Variants in FHIT observed in about 807,000 individuals in gnomAD.
FHIT encodes fragile histidine triad diadenosine triphosphatase.
FHIT carries 19 observed loss-of-function variants against 17.9 expected under a neutral mutation model. The observed-to-expected ratio is 1.06, with a 90% CI of 0.74 to 1.56. The LOEUF (loss-of-function observed/expected upper bound fraction) is 1.56. FHIT is among the 40% of genes most tolerant of loss of function. The pLI is 0.00. For synonymous variants in FHIT, 81 were observed against 69.7 expected (o/e 1.16, Z -0.81); for missense variants, 248 against 189.2 (o/e 1.31, Z -1.82).
intron 4 of FHIT, among the ~76,000 whole-genome samples, chr3:60,569,826 A>G (rs2037311916): frequency 7.0e-6 from 1 of 143,076 alleles, no homozygotes; most frequent in Admixed American, 7.5e-5. Context: ...ATCTCGGCTC[A>G]CTGCAACCTT....
At chr3:60,348,173 C>T (rs1311397455) in intron 5 of FHIT, among the ~76,000 whole-genome samples, 4 of 151,906 alleles carry the variant, frequency 2.6e-5, no homozygotes, top group African/African-American at 9.7e-5. Flanking sequence ...CTAACCACAC[C>T]TAAGAATTGA....
chr3:60,619,642 A>T (rs2039061975), intron 4 of FHIT, among the ~76,000 whole-genome samples: 1 of 149,112 alleles, frequency 6.7e-6, no homozygotes, highest in Non-Finnish European at 1.5e-5. Flanking sequence ...CTAGACAAAG[A>T]CCTCACACTA....
At chr3:60,307,248 G>C (rs866587735) in intron 5 of FHIT, among the ~76,000 whole-genome samples, 21 of 152,262 alleles carry the variant, frequency 1.4e-4, no homozygotes, top group Admixed American at 5.9e-4. Flanking sequence ...CTACAGAGAA[G>C]TCTTAACAGA....
chr3:60,192,592 C>G (rs1284141940), intron 5 of FHIT, among the ~76,000 whole-genome samples: 1 of 152,156 alleles, frequency 6.6e-6, no homozygotes, highest in East Asian at 1.9e-4. Context: ...ACAGGGCATT[C>G]AGAAGTAAAT....
chr3:61,211,783 C>T (rs140866572), intron 1 of FHIT, among the ~76,000 whole-genome samples: 5,938 of 152,270 alleles, frequency 0.039, 136 homozygotes, highest in Admixed American at 0.066. Flanking sequence ...ACACCTCACA[C>T]GGCCGGGTAC....
intron 4 of FHIT, among the ~76,000 whole-genome samples, chr3:60,659,083 C>G (rs1416729648): frequency 6.6e-6 from 1 of 151,388 alleles, no homozygotes; most frequent in Non-Finnish European, 1.5e-5. Context: ...TTCTGTAGCC[C>G]TTTGACTATG....
In FHIT at chr3:60,013,861, C is replaced by T. The variant is rs966476092; in HGVS notation, c.249+146G>A. The T allele has an allele frequency of 2.3e-5, 18 of 772,690 alleles. No individual in the cohort carries two copies. The Middle Eastern group carries it at 1.1e-3, about 45-fold the overall frequency. The allele number at this position is 772,690 out of a possible 1,614,324, so 47.9% of individuals were successfully genotyped here. A position where few individuals can be genotyped will look rare whatever the true frequency, so the allele number is the denominator to read the frequency against. Reference sequence around the variant, plus strand: ...TTGGGGCCAATGGACAGTAGGGTTGCCCTGCATTAGAAATCTCTTTTTTTG... The same window carrying T: ...TTGGGGCCAATGGACAGTAGGGTTGTCCTGCATTAGAAATCTCTTTTTTTG... On this transcript the variant is annotated intron_variant, in intron 6 of 9. Coordinates refer to ENST00000492590, the MANE Select transcript of FHIT (RefSeq NM_002012.4).
At chr3:61,101,940 T>G (rs978556807) in intron 2 of FHIT, among the ~76,000 whole-genome samples, 3 of 152,198 alleles carry the variant, frequency 2.0e-5, no homozygotes, top group African/African-American at 7.2e-5. Context: ...CTTATCAGCT[T>G]AAGGAGATTT....
At chr3:60,227,438 A>C (rs1436660546) in intron 5 of FHIT, among the ~76,000 whole-genome samples, 1 of 152,186 alleles carries the variant, frequency 6.6e-6, no homozygotes, top group African/African-American at 2.4e-5. Context: ...GAATCTGGCC[A>C]GCTAAATAGC....
chr3:59,767,098 G>A (rs1701836008), intron 8 of FHIT, among the ~76,000 whole-genome samples: 1 of 152,154 alleles, frequency 6.6e-6, no homozygotes, highest in South Asian at 2.1e-4. Context: ...TGGGCCTTGG[G>A]TGGAGAGAAA....
intron 3 of FHIT, among the ~76,000 whole-genome samples, chr3:60,878,147 C>T (rs1704757361): frequency 6.6e-6 from 1 of 152,096 alleles, no homozygotes; most frequent in African/African-American, 2.4e-5. Flanking sequence ...AGAATCACAG[C>T]TACAACCTGA....
At position 59,784,873 on chromosome 3, in the gene FHIT, A is replaced by G. The variant is rs537462983; in HGVS notation, c.349-32552T>C. 1.2e-4 allele frequency among the ~76,000 whole-genome samples: 19 copies of G among 152,280 alleles called. No individual in the cohort carries two copies. In the South Asian group the frequency reaches 3.9e-3, roughly 32 times the overall value. On this transcript the variant is annotated intron_variant, in intron 8 of 9. Transcript: ENST00000492590. The stretch of plus-strand genomic sequence containing the variant: ...TGTATTAGTCTGTTCTGGCACTACT[A>G]TAAAGAAATACCTGAGACAGGGTAG...
At chr3:61,081,982 C>G (rs1458062193) in intron 2 of FHIT, among the ~76,000 whole-genome samples, 1 of 151,928 alleles carries the variant, frequency 6.6e-6, no homozygotes, top group Non-Finnish European at 1.5e-5. Flanking sequence ...CTTTCTATAC[C>G]CACCACTACC....
chr3:60,909,719 G>A (rs568047466), intron 3 of FHIT, among the ~76,000 whole-genome samples: 1 of 152,156 alleles, frequency 6.6e-6, no homozygotes, highest in African/African-American at 2.4e-5. Flanking sequence ...ACTGAACAAC[G>A]GAATGCGTAT....
intron 5 of FHIT, among the ~76,000 whole-genome samples, chr3:60,206,393 G>A (rs1444680726): frequency 6.6e-6 from 1 of 151,992 alleles, no homozygotes; most frequent in Non-Finnish European, 1.5e-5. Context: ...CAGACTTCAG[G>A]GTTATGAGAG....
chr3:60,129,720 G>C (rs979786307), intron 5 of FHIT, among the ~76,000 whole-genome samples: 1 of 151,990 alleles, frequency 6.6e-6, no homozygotes, highest in East Asian at 1.9e-4. Flanking sequence ...CATCTGTTTT[G>C]TTATCAAGTT....
At chr3:60,613,549 T>C (rs715381) in intron 4 of FHIT, among the ~76,000 whole-genome samples, 41,392 of 152,086 alleles carry the variant, frequency 0.27, 5,957 homozygotes, top group Non-Finnish European at 0.31. Flanking sequence ...TTTCTGCTTA[T>C]ATCTTTCTTT....
At chr3:60,402,293 G>A (rs1234198400) in intron 5 of FHIT, among the ~76,000 whole-genome samples, 4 of 152,180 alleles carry the variant, frequency 2.6e-5, no homozygotes, top group African/African-American at 9.7e-5. Context: ...CAGGGAGCAA[G>A]TTTTCCAAAG....
chr3:60,904,470 A>G (rs1476467341), intron 3 of FHIT, among the ~76,000 whole-genome samples: 1 of 130,682 alleles, frequency 7.7e-6, no homozygotes, highest in Non-Finnish European at 1.7e-5. Flanking sequence ...CTATAACTCA[A>G]ATCCAAATGC....
Sources: allele counts gnomAD v4.1 joint callset (sites outside exome capture counted in the v4.1 genomes callset), GRCh38; gene constraint gnomAD v4.1.1; transcripts MANE v1.5; gene names NCBI Gene and HGNC (gene_info 2026-07-23, HGNC 2026-07-21).